Variants in DAB1 observed in about 807,000 individuals in gnomAD.
DAB1 encodes the protein DAB adaptor protein 1, also known as disabled homolog 1.
Under a neutral mutation model 64.6 loss-of-function variants are expected in DAB1, and 15 were observed. The ratio of observed to expected loss-of-function variants is 0.23; its 90% CI spans 0.16 to 0.36. The LOEUF (loss-of-function observed/expected upper bound fraction) is 0.36. Among genes scored for constraint, DAB1 ranks in the 10% least tolerant of loss-of-function variants. The pLI is 1.00. For missense variants in DAB1, 596 were observed against 706.7 expected, an observed-to-expected ratio of 0.84 and a Z score of 1.78; for synonymous variants, 235 against 251.9, an observed-to-expected ratio of 0.93 and a Z score of 0.64.
rs1557726299 is a variant in DAB1, at chr1:58,300,643, AG to A, written n.309+42708del. ...GAGAGAGAGAGAGAGAGAGAGAGAG[AG>A]AGAGGAAGGAAGGAAGGAAGGAAGG... On this transcript the variant is annotated intron_variant and non_coding_transcript_variant, in intron 4 of 20. Transcript: ENST00000485760. Among the ~76,000 whole-genome samples, 285 of 53,930 alleles carry A rather than the reference AG, an allele frequency of 5.3e-3. 7 individuals carry two copies. The highest frequency in any genetic ancestry group is 8.4e-3 in the Admixed American group (43 of 5,102). 35.4% of individuals were successfully genotyped at this position (53,930 alleles called of 152,430 possible).
intron 4 of DAB1, among the ~76,000 whole-genome samples, chr1:58,287,909 C>A (rs1232758460): frequency 6.6e-6 from 1 of 150,816 alleles, no homozygotes; most frequent in African/African-American, 2.4e-5. Context: ...GTAGTCCCAG[C>A]TGCTCAGGAG....
chr1:57,153,389 A>G (rs1208152726), intron 2 of DAB1, among the ~76,000 whole-genome samples: 1 of 152,182 alleles, frequency 6.6e-6, no homozygotes, highest in African/African-American at 2.4e-5. Flanking sequence ...AAACATAAAT[A>G]GACATCTTAT....
chr1:57,064,882 T>TA (rs1470929604), intron 8 of DAB1, among the ~76,000 whole-genome samples: 1 of 152,184 alleles, frequency 6.6e-6, no homozygotes, highest in Non-Finnish European at 1.5e-5. Context: ...GAGCTCCATC[T>TA]AAAAGAAATC....
At chr1:57,464,443 G>A (rs780207592) in intron 7 of DAB1, among the ~76,000 whole-genome samples, 2 of 151,992 alleles carry the variant, frequency 1.3e-5, no homozygotes, top group African/African-American at 2.4e-5. Context: ...CTCTCACAGC[G>A]CATGTACTTC....
intron 3 of DAB1, among the ~76,000 whole-genome samples, chr1:58,463,705 A>C (rs962097026): frequency 2.0e-5 from 3 of 152,176 alleles, no homozygotes; most frequent in African/African-American, 7.2e-5. Flanking sequence ...CCATGGGCAA[A>C]AATGTGCCTC....
chr1:57,999,778 A>C (rs933521107), intron 5 of DAB1, among the ~76,000 whole-genome samples: 1 of 152,034 alleles, frequency 6.6e-6, no homozygotes, highest in Non-Finnish European at 1.5e-5. Flanking sequence ...GCTGCCTTAT[A>C]AAAAAGACAG....
At chr1:57,121,799 G>A (rs866396846) in intron 4 of DAB1, among the ~76,000 whole-genome samples, 3 of 152,020 alleles carry the variant, frequency 2.0e-5, no homozygotes, top group Non-Finnish European at 4.4e-5. Context: ...GGTGGGCAAG[G>A]GGAGAGAACT....
At chr1:58,225,552 G>T (rs1463329320) in intron 4 of DAB1, among the ~76,000 whole-genome samples, 2 of 151,880 alleles carry the variant, frequency 1.3e-5, no homozygotes, top group Admixed American at 6.6e-5. Context: ...GCAAAGACTT[G>T]GAACCAACCC....
chr1:57,984,270 T>TAAAAAAAAAA (rs1553150408), intron 5 of DAB1, among the ~76,000 whole-genome samples: 1 of 141,758 alleles, frequency 7.1e-6, no homozygotes, highest in African/African-American at 2.6e-5. Flanking sequence ...GAAAAAAAAT[T>TAAAAAAAAAA]AAACAGCCAA....
chr1:57,024,318 G>C (rs1428864619), intron 10 of DAB1, among the ~76,000 whole-genome samples: 1 of 152,128 alleles, frequency 6.6e-6, no homozygotes, highest in Non-Finnish European at 1.5e-5. Flanking sequence ...ATTCCAAAAA[G>C]GTCTGCTGCA....
intron 1 of DAB1, among the ~76,000 whole-genome samples, chr1:57,865,538 T>A (rs1654258472): frequency 6.6e-6 from 1 of 151,888 alleles, no homozygotes; most frequent in South Asian, 2.1e-4. Context: ...GTCTCAAACA[T>A]GGTCTCAAAC....
chr1:57,733,808 C>A (rs1647551554), intron 6 of DAB1, among the ~76,000 whole-genome samples: 2 of 151,786 alleles, frequency 1.3e-5, no homozygotes, highest in African/African-American at 4.8e-5. Flanking sequence ...GGGGAGATGG[C>A]AGAGGGAAGA....
At chr1:58,409,854 C>T (rs1644650161) in intron 3 of DAB1, among the ~76,000 whole-genome samples, 1 of 152,192 alleles carries the variant, frequency 6.6e-6, no homozygotes, top group Admixed American at 6.5e-5. Context: ...AACTTTGGAA[C>T]TTTACTTCCT....
At chr1:58,049,680 T>C (rs558989575) in intron 5 of DAB1, among the ~76,000 whole-genome samples, 7 of 152,330 alleles carry the variant, frequency 4.6e-5, no homozygotes, top group African/African-American at 1.7e-4. Context: ...GTTTGAAATT[T>C]AGTCTCTTTA....
At chr1:57,020,505 A>C (rs1471151145) in intron 11 of DAB1, among the ~76,000 whole-genome samples, 1 of 151,532 alleles carries the variant, frequency 6.6e-6, no homozygotes, top group African/African-American at 2.4e-5. Context: ...GCTTGTGTTC[A>C]TACATAGTAC....
intron 6 of DAB1, among the ~76,000 whole-genome samples, chr1:57,677,470 C>A (rs1437284618): frequency 6.6e-6 from 1 of 152,188 alleles, no homozygotes; most frequent in Non-Finnish European, 1.5e-5. Flanking sequence ...GTCTGTGTGA[C>A]TGGAAGGTCT....
In DAB1 at chr1:58,279,472, A is replaced by G. The variant is rs943703086; in HGVS notation, n.309+63880T>C. Among the ~76,000 whole-genome samples the G allele has an allele frequency of 4.6e-5, 7 of 152,346 alleles. No homozygotes were observed. In the South Asian group the frequency reaches 1.2e-3, roughly 27 times the overall value. On this transcript the variant is annotated intron_variant and non_coding_transcript_variant, in intron 4 of 20. Transcript: ENST00000485760. ...GGTGAGAACCTAATTTGTGCCATGAATTATAATAAGCATTTTATATAAGTT... is the reference window on the plus strand; with the variant it reads ...GGTGAGAACCTAATTTGTGCCATGAGTTATAATAAGCATTTTATATAAGTT...
At chr1:58,175,308 G>A (rs1408852924) in intron 4 of DAB1, among the ~76,000 whole-genome samples, 3 of 152,162 alleles carry the variant, frequency 2.0e-5, no homozygotes, top group African/African-American at 7.2e-5. Flanking sequence ...TAGTCAGCGA[G>A]ACCACGAACC....
intron 5 of DAB1, among the ~76,000 whole-genome samples, chr1:58,055,787 C>T (rs1570286830): frequency 1.5e-5 from 1 of 67,014 alleles, no homozygotes; most frequent in East Asian, 3.9e-4. Context: ...TCACTGCAAC[C>T]TCTGTCACTG....
Sources: gnomAD v4.1 joint callset for allele counts (sites outside exome capture counted in the v4.1 genomes callset) on GRCh38, gnomAD v4.1.1 for gene constraint, MANE v1.5 for transcripts, NCBI Gene and HGNC (gene_info 2026-07-23, HGNC 2026-07-21) for gene names.